Variants in TARBP2 observed in about 807,000 individuals in gnomAD.
TARBP2 encodes RISC-loading complex subunit TARBP2.
In TARBP2, 23 loss-of-function variants were observed where a neutral mutation model predicts 40.4. The ratio of observed to expected loss-of-function variants is 0.57; its 90% CI spans 0.41 to 0.81. The LOEUF is 0.81. Ranked by LOEUF, TARBP2 falls within the 30% of genes least tolerant of loss-of-function variation. TARBP2 has a pLI of 0.00. For missense variants in TARBP2, 358 were observed against 473.7 expected, an observed-to-expected ratio of 0.76 and a Z score of 2.27; for synonymous variants, 183 against 190.5, an observed-to-expected ratio of 0.96 and a Z score of 0.32.
At chr12:53,501,801 A>G (rs1402888681) in intron 1 of TARBP2, 1 of 1,336,876 alleles carries the variant, frequency 7.5e-7, no homozygotes, top group African/African-American at 1.5e-5. Context: ...TAACTGAGGC[A>G]GGAGCAATGC....
chr12:53,501,784 C>T, intron 1 of TARBP2: 1 of 1,369,942 alleles, frequency 7.3e-7, no homozygotes, highest in Non-Finnish European at 9.6e-7. Context: ...CAGGATCGTG[C>T]CCACCTTAAC....
Position 53,504,461 on chromosome 12 carries a change from G to C in TARBP2, c.487G>C (p.Ala163Pro), listed in dbSNP as rs1445068208. ...PQQSECNPVG[A>P]LQELVVQKGW... ...GCAGTCTGAGTGCAACCCCGTTGGT[G>C]CTCTGCAGGTGTGTCCCATCCTCAT... The change falls in exon 5 of 9, where the codon GCT becomes CCT. Residue 163 changes from alanine to proline, a missense_variant. Ala to Pro is a conservative substitution (Grantham distance 27). Coordinates refer to ENST00000266987, the MANE Select transcript of TARBP2 (RefSeq NM_134323.2). 6.2e-7 allele frequency: 1 copy of C among 1,613,416 alleles called. No individual in the cohort carries two copies. Among genetic ancestry groups the C allele is most frequent in the Non-Finnish European group, 8.5e-7 (1 of 1,179,658 alleles).
intron 3 of TARBP2, 130 bp from the exon 4 acceptor site, chr12:53,503,583 C>A: frequency 1.5e-6 from 1 of 683,048 alleles, no homozygotes; most frequent in South Asian, 1.8e-5. Context: ...GTTGGTTGAG[C>A]CTCCCTGATT....
chr12:53,501,588 T>G, intron 1 of TARBP2, 127 bp downstream of exon 1: 1 of 1,491,142 alleles, frequency 6.7e-7, no homozygotes, highest in East Asian at 2.5e-5. Flanking sequence ...CAGTGGGCAG[T>G]GGTTCCCGGC....
rs1943955320 is a variant in TARBP2, at chr12:53,505,886, G to A, written c.943+36G>A. On this transcript the variant is annotated intron_variant, in intron 8 of 8. Transcript: ENST00000266987. The surrounding 1 kb of genome is among the most constrained non-coding windows in gnomAD (Gnocchi z 4.5). ...CTGGGGAGCGAGCCAGGGGATGGTG[G>A]GGGCTGGACCGGAGCAAGTAGAAGG... The A allele has an allele frequency of 6.2e-7, 1 of 1,609,248 alleles. No individual in the cohort carries two copies. Among genetic ancestry groups the A allele is most frequent in the African/African-American group, 1.3e-5 (1 of 74,932 alleles).
Position 53,505,461 on chromosome 12 carries a change from G to C in TARBP2, c.742-188G>C, listed in dbSNP as rs1943931552. Among the ~76,000 whole-genome samples the C allele has an allele frequency of 6.6e-6, 1 of 152,216 alleles. No homozygotes were observed. The highest frequency in any genetic ancestry group is 2.4e-5 in the African/African-American group (1 of 41,450). ...CCCGCTCTGTAGCTCTGTTACTGGG[G>C]TGAGGAGGGATCCCTGGCCATCTGG... On this transcript the variant is annotated intron_variant, in intron 7 of 8. Coordinates refer to ENST00000266987, the MANE Select transcript of TARBP2 (RefSeq NM_134323.2). The surrounding 1 kb of genome is among the most constrained non-coding windows in gnomAD (Gnocchi z 4.5).
At chr12:53,501,536 G>T (rs1226012260) in intron 1 of TARBP2, 75 bp downstream of exon 1, 14 of 1,545,512 alleles carry the variant, frequency 9.1e-6, no homozygotes, top group African/African-American at 2.7e-5. Flanking sequence ...CGCGGCCCCA[G>T]CATGCACCTG....
chr12:53,504,426 T>G lies in TARBP2; in HGVS notation c.452T>G (p.Val151Gly). 1.9e-6 allele frequency: 3 copies of G among 1,610,390 alleles called. No individual in the cohort carries two copies. The highest frequency in any genetic ancestry group is 2.5e-6 in the Non-Finnish European group (3 of 1,178,400). The change falls in exon 5 of 9, where the codon GTC becomes GGC. Residue 151 changes from valine (V) to glycine (G), a missense_variant. Val to Gly is a moderately radical substitution (Grantham distance 109, BLOSUM62 -3). Coordinates refer to ENST00000266987, the MANE Select transcript of TARBP2 (RefSeq NM_134323.2). Reference protein sequence around the residue: ...RSPPMELQPPVSPQQSECNPV... With the variant: ...RSPPMELQPPGSPQQSECNPV... Reference sequence around the variant, plus strand: ...CCCCCCATGGAACTGCAGCCCCCTGTCTCCCCTCAGCAGTCTGAGTGCAAC... The same window carrying G: ...CCCCCCATGGAACTGCAGCCCCCTGGCTCCCCTCAGCAGTCTGAGTGCAAC...
Position 53,506,046 on chromosome 12 carries a change from G to A in TARBP2, c.999G>A (p.Pro333=), listed in dbSNP as rs750164824. ...GCCTGGTGGAACTGTCCACCCAGCC[G>A]GCCACTGTGTGTCATGGCTCTGCAA... ...CQCLVELSTQ[P]ATVCHGSATT... is the part of the protein sequence containing the mutation. Residue 333 remains proline (P), a synonymous_variant, in exon 9 of 9, where the codon CCG becomes CCA. Coordinates refer to ENST00000266987, the MANE Select transcript of TARBP2 (RefSeq NM_134323.2). The A allele has an allele frequency of 6.2e-6, 10 of 1,613,938 alleles. No homozygotes were observed. The highest frequency in any genetic ancestry group is 3.3e-5 in the Admixed American group (2 of 60,004).
rs552191158 is a variant in TARBP2, at chr12:53,505,935, C to T, written c.944-56C>T. The T allele has an allele frequency of 3.1e-6, 5 of 1,604,578 alleles. No individual in the cohort carries two copies. In the East Asian group the frequency reaches 1.1e-4, roughly 36 times the overall value. Reference sequence around the variant, plus strand: ...GGGGGTGATGATAACGTGAACGCACCCCTCCCCAGGGCTACCTCCCCCAAC... The same window carrying T: ...GGGGGTGATGATAACGTGAACGCACTCCTCCCCAGGGCTACCTCCCCCAAC... On this transcript the variant is annotated intron_variant, in intron 8 of 8. Transcript: ENST00000266987. This position sits in a 1 kb window ranked among gnomAD's most constrained non-coding sequence, Gnocchi z 4.5.
At chr12:53,502,342 C>A in intron 2 of TARBP2, 158 bp downstream of exon 2, 4 of 1,019,018 alleles carry the variant, frequency 3.9e-6, no homozygotes, top group Non-Finnish European at 5.6e-6. Context: ...GAGAACAGGG[C>A]TGTAAGAAGG....
rs565211978 is a variant in TARBP2, at chr12:53,503,148, C to T, written c.326+19C>T. ...ACAGCAGGTGAGGGAGGAACCGAGG[C>T]ATCCCAGAAGCCCTTCAAGGAACCC... On this transcript the variant is annotated intron_variant, in intron 3 of 8. Coordinates refer to ENST00000266987, the MANE Select transcript of TARBP2 (RefSeq NM_134323.2). 4.9e-5 allele frequency: 76 copies of T among 1,539,104 alleles called. No homozygotes were observed. Among genetic ancestry groups the T allele is most frequent in the Admixed American group, 6.0e-5 (3 of 49,936 alleles).
At chr12:53,501,280 C>A, upstream of TARBP2, 1 of 986,240 alleles carries the variant, frequency 1.0e-6, no homozygotes, top group Non-Finnish European at 1.5e-6. Flanking sequence ...GACTCCATAT[C>A]CCAGCGTGCC....
Position 53,505,879 on chromosome 12 carries a change from G to T in TARBP2, c.943+29G>T. Reference sequence around the variant, plus strand: ...TGGCTAGCTGGGGAGCGAGCCAGGGGATGGTGGGGGCTGGACCGGAGCAAG... The same window carrying T: ...TGGCTAGCTGGGGAGCGAGCCAGGGTATGGTGGGGGCTGGACCGGAGCAAG... On this transcript the variant is annotated intron_variant, in intron 8 of 8. Transcript: ENST00000266987. The surrounding 1 kb of genome is among the most constrained non-coding windows in gnomAD (Gnocchi z 4.5). 6.2e-7 allele frequency: 1 copy of T among 1,610,238 alleles called. No individual in the cohort carries two copies. Among genetic ancestry groups the T allele is most frequent in the Non-Finnish European group, 8.5e-7 (1 of 1,176,912 alleles).
Position 53,505,905 on chromosome 12 carries a change from TA to T in TARBP2, c.943+56del. On this transcript the variant is annotated intron_variant, in intron 8 of 8. Coordinates refer to ENST00000266987, the MANE Select transcript of TARBP2 (RefSeq NM_134323.2). This position sits in a 1 kb window ranked among gnomAD's most constrained non-coding sequence, Gnocchi z 4.5. Reference sequence around the variant, plus strand: ...ATGGTGGGGGCTGGACCGGAGCAAGTAGAAGGGGGTGATGATAACGTGAACG... The same window carrying T: ...ATGGTGGGGGCTGGACCGGAGCAAGTGAAGGGGGTGATGATAACGTGAACG... The T allele has an allele frequency of 6.2e-7, 1 of 1,605,718 alleles. No homozygotes were observed. Among genetic ancestry groups the T allele is most frequent in the African/African-American group, 1.3e-5 (1 of 74,752 alleles).
In TARBP2 at chr12:53,505,198, A is replaced by G. The variant is rs772806614; in HGVS notation, c.677A>G (p.His226Arg). 3 of 1,611,476 alleles carry G rather than the reference A, an allele frequency of 1.9e-6. No individual in the cohort carries two copies. Among genetic ancestry groups the G allele is most frequent in the Admixed American group, 3.3e-5 (2 of 59,952 alleles). Reference sequence around the variant, plus strand: ...GCGGCCAAAATGCTGCTTCGAGTGCACACGGTGCCTCTGGATGCCCGGGAT... The same window carrying G: ...GCGGCCAAAATGCTGCTTCGAGTGCGCACGGTGCCTCTGGATGCCCGGGAT... ...NAAAKMLLRV[H>R]TVPLDARDGN... The change falls in exon 7 of 9, where the codon CAC (histidine) becomes CGC (arginine). Residue 226 changes from histidine to arginine, a missense_variant. Around this residue, in one of 3 missense-constraint regions of TARBP2, gnomAD observed 317 missense variants for 422.9 expected, o/e 0.75. Transcript: ENST00000266987. The surrounding 1 kb of genome is among the most constrained non-coding windows in gnomAD (Gnocchi z 4.5).
intron 3 of TARBP2, 114 bp downstream of exon 3, chr12:53,503,243 T>C (rs1943799460): frequency 7.0e-7 from 1 of 1,423,854 alleles, no homozygotes; most frequent in Non-Finnish European, 9.2e-7. Context: ...CCTGGCCTCT[T>C]CCTGAGAGTC....
intron 1 of TARBP2, 23 bp downstream of exon 1, chr12:53,501,484 C>T (rs1943701190): frequency 6.4e-7 from 1 of 1,558,804 alleles, no homozygotes; most frequent in Non-Finnish European, 8.7e-7. Flanking sequence ...GTACCGATTC[C>T]TTCAGGGCGA....
rs1473299168 is a variant in TARBP2 at position 53,501,916 on chromosome 12, C to G, written c.54-99C>G. 2.6e-6 allele frequency: 4 copies of G among 1,521,178 alleles called. No individual in the cohort carries two copies. The African/African-American group carries it at 5.5e-5, about 21-fold the overall frequency. The allele number at this position is 1,521,178 out of a possible 1,614,324, so 94.2% of individuals were successfully genotyped here. ...TAGACTGTCTGGGGTTCCTTGGACC[C>G]TATGTCCCCCATAATGTGCCTAGGT... On this transcript the variant is annotated intron_variant, in intron 1 of 8. Transcript: ENST00000266987.
Sources: gnomAD v4.1 joint callset for allele counts (sites outside exome capture counted in the v4.1 genomes callset) on GRCh38, gnomAD v4.1.1 for gene constraint, gnomAD v4.1.1 regional missense constraint, Gnocchi (gnomAD v3.1) non-coding constraint, MANE v1.5 for transcripts, NCBI Gene and HGNC (gene_info 2026-07-23, HGNC 2026-07-21) for gene names.